Variants in KCNAB2 observed in about 807,000 individuals in gnomAD.
The protein encoded by KCNAB2 is potassium voltage-gated channel subfamily A regulatory beta subunit 2, also known as voltage-gated potassium channel subunit beta-2.
KCNAB2 carries 29 observed loss-of-function variants against 63.6 expected under a neutral mutation model. The ratio of observed to expected loss-of-function variants is 0.46; its 90% CI spans 0.34 to 0.62. The LOEUF is 0.62. Among genes scored for constraint, KCNAB2 ranks in the 20% least tolerant of loss-of-function variants. KCNAB2 has a pLI of 0.01. For missense variants in KCNAB2, 359 were observed against 563.9 expected (o/e 0.64, Z 3.68); for synonymous variants, 222 against 224.2 (o/e 0.99, Z 0.09).
chr1:6,090,435 G>C lies in KCNAB2; in HGVS notation c.561G>C (p.Val187=), dbSNP rs1665089423. 6.2e-7 allele frequency: 1 copy of C among 1,613,822 alleles called. No individual in the cohort carries two copies. The highest frequency in any genetic ancestry group is 8.5e-7 in the Non-Finnish European group (1 of 1,179,986). Reference sequence around the variant, plus strand: ...GACTGCAGCTGGAGTACGTGGATGTGGTGTTTGCCAACCGCCCGGACCCCA... The same window carrying C: ...GACTGCAGCTGGAGTACGTGGATGTCGTGTTTGCCAACCGCCCGGACCCCA... ...LERLQLEYVD[V]VFANRPDPNT... The change falls in exon 9 of 16, where the codon GTG becomes GTC. Residue 187 remains valine, a synonymous_variant. Transcript: ENST00000378083.
chr1:6,061,334 T>G (rs1253468252), intron 2 of KCNAB2, among the ~76,000 whole-genome samples: 1 of 151,708 alleles, frequency 6.6e-6, no homozygotes, highest in East Asian at 1.9e-4. Context: ...GGCCGGGCGG[T>G]GGCTCACGCC....
intron 1 of KCNAB2, among the ~76,000 whole-genome samples, chr1:6,002,769 G>A (rs1429738799): frequency 1.3e-5 from 2 of 152,152 alleles, no homozygotes; most frequent in Admixed American, 6.5e-5. Flanking sequence ...ACTGGGAGGG[G>A]CTGGACAGCT....
upstream of KCNAB2, among the ~76,000 whole-genome samples, chr1:6,045,155 T>C (rs1329521410): frequency 1.3e-5 from 2 of 152,186 alleles, no homozygotes; most frequent in African/African-American, 2.4e-5. The surrounding 1 kb of genome is among the most constrained non-coding windows in gnomAD (Gnocchi z 4.8). Context: ...ACACTGCGAC[T>C]GGGGCACTGA....
At chr1:6,068,738 G>A (rs150061513) in intron 2 of KCNAB2, among the ~76,000 whole-genome samples, 6 of 152,288 alleles carry the variant, frequency 3.9e-5, no homozygotes, top group South Asian at 2.1e-4. Context: ...GGTGCAAGAG[G>A]GGGGCAGCAG....
intron 1 of KCNAB2, among the ~76,000 whole-genome samples, chr1:6,023,372 C>G (rs1658956808): frequency 6.6e-6 from 1 of 152,196 alleles, no homozygotes. Context: ...AAAGAACCAC[C>G]ATACTGTTTT....
intron 1 of KCNAB2, among the ~76,000 whole-genome samples, chr1:6,038,112 C>A (rs1341310154): frequency 6.6e-6 from 1 of 151,324 alleles, no homozygotes; most frequent in Non-Finnish European, 1.5e-5. Context: ...CTCCTGACCT[C>A]GTGATCCACC....
intron 1 of KCNAB2, among the ~76,000 whole-genome samples, chr1:6,039,119 G>A (rs1660287613): frequency 6.6e-6 from 1 of 152,224 alleles, no homozygotes; most frequent in Non-Finnish European, 1.5e-5. Flanking sequence ...GGACCCCTGA[G>A]CCCCACAGTC....
At chr1:5,998,172 A>G (rs1222313333) in intron 1 of KCNAB2, among the ~76,000 whole-genome samples, 1 of 152,280 alleles carries the variant, frequency 6.6e-6, no homozygotes, top group Non-Finnish European at 1.5e-5. Context: ...CCAGAGGCCC[A>G]GTGCGGTCAC....
chr1:6,021,681 G>A (rs144124593), intron 1 of KCNAB2, among the ~76,000 whole-genome samples: 257 of 151,888 alleles, frequency 1.7e-3, no homozygotes, highest in Non-Finnish European at 3.1e-3. Context: ...AAGTGCAGTG[G>A]TATTGAGGGT....
chr1:6,002,233 C>T (rs1657298981), intron 1 of KCNAB2, among the ~76,000 whole-genome samples: 1 of 152,210 alleles, frequency 6.6e-6, no homozygotes, highest in African/African-American at 2.4e-5. Flanking sequence ...GACCAGAGGG[C>T]TCCTGGCCCA....
chr1:6,043,561 G>A (rs930093983), upstream of KCNAB2, among the ~76,000 whole-genome samples: 7 of 152,346 alleles, frequency 4.6e-5, no homozygotes, highest in African/African-American at 1.7e-4. Flanking sequence ...GATCTCCAGG[G>A]GGTCACTTGG....
chr1:6,053,231 A>C (rs931166089), intron 2 of KCNAB2, among the ~76,000 whole-genome samples: 1 of 152,108 alleles, frequency 6.6e-6, no homozygotes, highest in Non-Finnish European at 1.5e-5. Flanking sequence ...GACGCTGGGC[A>C]TTCATGAGGG....
In KCNAB2 at chr1:6,090,488, C is replaced by T. The variant is rs559589738; in HGVS notation, c.601+13C>T. ...ACCCCGATGGAAGGTAGGTGGTCTG[C>T]GGCGGCGCCACCGGTTAGGCCTGGG... On this transcript the variant is annotated intron_variant, in intron 9 of 15. Transcript: ENST00000378083. The T allele has an allele frequency of 2.6e-5, 42 of 1,605,586 alleles. No homozygotes were observed. The highest frequency in any genetic ancestry group is 8.4e-5 in the Admixed American group (5 of 59,878).
At chr1:6,084,430 C>G (rs914810199) in intron 5 of KCNAB2, among the ~76,000 whole-genome samples, 3 of 152,246 alleles carry the variant, frequency 2.0e-5, no homozygotes, top group Non-Finnish European at 4.4e-5. Flanking sequence ...CACAAGCATG[C>G]ACAGATCTGC....
intron 2 of KCNAB2, among the ~76,000 whole-genome samples, chr1:6,072,275 G>C (rs918881820): frequency 3.3e-5 from 5 of 152,196 alleles, no homozygotes; most frequent in Admixed American, 6.5e-5. Flanking sequence ...CGCACCCCGA[G>C]GGACAGATGC....
intron 1 of KCNAB2, among the ~76,000 whole-genome samples, chr1:6,029,147 G>T (rs1348103630): frequency 1.3e-5 from 2 of 152,126 alleles, no homozygotes; most frequent in Non-Finnish European, 2.9e-5. Context: ...GCCAGGCATG[G>T]CAGCGTGTGC....
intron 6 of KCNAB2, among the ~76,000 whole-genome samples, chr1:6,085,544 C>A (rs1240712392): frequency 6.6e-6 from 1 of 152,172 alleles, no homozygotes; most frequent in Non-Finnish European, 1.5e-5. Context: ...TGCAAAGTGT[C>A]AGGCCAAAAA....
chr1:6,000,831 C>T (rs1044684289), intron 1 of KCNAB2, among the ~76,000 whole-genome samples: 2 of 152,142 alleles, frequency 1.3e-5, no homozygotes, highest in African/African-American at 4.8e-5. Context: ...GTCACTTGCT[C>T]CTCATTAACT....
intron 1 of KCNAB2, among the ~76,000 whole-genome samples, chr1:6,004,621 G>A (rs1375767466): frequency 6.7e-6 from 1 of 149,788 alleles, no homozygotes; most frequent in East Asian, 2.0e-4. Context: ...CCTTTTCTGT[G>A]TCTGTCTCCT....
Sources: allele counts gnomAD v4.1 joint callset (sites outside exome capture counted in the v4.1 genomes callset), GRCh38; gene constraint gnomAD v4.1.1; non-coding constraint Gnocchi (gnomAD v3.1); transcripts MANE v1.5; gene names NCBI Gene and HGNC (gene_info 2026-07-23, HGNC 2026-07-21).